NRP2: variants seen among roughly 807,000 people sequenced by gnomAD.
The protein encoded by NRP2 is neuropilin-2.
Under a neutral mutation model 110.4 loss-of-function variants are expected in NRP2, and 52 were observed. That is an observed-to-expected ratio of 0.47 (90% CI 0.38 to 0.59). The LOEUF (loss-of-function observed/expected upper bound fraction) is 0.59, where lower values mean the gene tolerates loss of function less well. Ranked by LOEUF, NRP2 falls within the 20% of genes least tolerant of loss-of-function variation. The probability of loss-of-function intolerance (pLI) is 0.00; values close to 1 mark genes in which losing one functional copy is unlikely to be tolerated. For synonymous variants in NRP2, 508 were observed against 468.9 expected, an observed-to-expected ratio of 1.08 and a Z score of -1.08; for missense variants, 1,049 against 1,203.0, an observed-to-expected ratio of 0.87 and a Z score of 1.89.
At chr2:205,750,454 C>T (rs551866538) in intron 11 of NRP2, among the ~76,000 whole-genome samples, 3 of 152,292 alleles carry the variant, frequency 2.0e-5, no homozygotes, top group South Asian at 2.1e-4. Context: ...CATCTTCAAC[C>T]GTTCCCTCAA....
chr2:205,753,864 A>C (rs902246355), intron 12 of NRP2, among the ~76,000 whole-genome samples: 1 of 152,186 alleles, frequency 6.6e-6, no homozygotes, highest in Non-Finnish European at 1.5e-5. Flanking sequence ...TTTTTTTTCC[A>C]TTGTGCAAAT....
chr2:205,789,233 C>T (rs1016547298), intron 15 of NRP2, among the ~76,000 whole-genome samples: 24 of 152,298 alleles, frequency 1.6e-4, no homozygotes, highest in Non-Finnish European at 2.8e-4. Flanking sequence ...TCCACCCTGG[C>T]CCTAATACAG....
intron 15 of NRP2, among the ~76,000 whole-genome samples, chr2:205,786,179 G>A (rs1298931584): frequency 6.6e-6 from 1 of 152,190 alleles, no homozygotes; most frequent in African/African-American, 2.4e-5. Flanking sequence ...AATTAAGTGT[G>A]GTGGGGAAGG....
At chr2:205,750,047 T>C (rs1166492987) in intron 11 of NRP2, among the ~76,000 whole-genome samples, 2 of 152,176 alleles carry the variant, frequency 1.3e-5, no homozygotes, top group Middle Eastern at 3.2e-3. Context: ...TAACAACCAG[T>C]ACAGCCCTAC....
chr2:205,743,644 A>T (rs1261486358), intron 9 of NRP2, 92 bp downstream of exon 9: 2 of 1,533,122 alleles, frequency 1.3e-6, no homozygotes, highest in Admixed American at 4.0e-5. Context: ...TCCCATCTAA[A>T]CAGTCGTCAT....
chr2:205,731,221 T>C (rs1249598850), intron 7 of NRP2, among the ~76,000 whole-genome samples: 4 of 152,224 alleles, frequency 2.6e-5, no homozygotes, highest in Non-Finnish European at 2.9e-5. Flanking sequence ...CGTGCTCCTT[T>C]AGATTATACA....
At chr2:205,692,064 A>G (rs985444701) in intron 1 of NRP2, among the ~76,000 whole-genome samples, 1 of 152,122 alleles carries the variant, frequency 6.6e-6, no homozygotes, top group Non-Finnish European at 1.5e-5. Flanking sequence ...TTCTTTATTC[A>G]TTTCCAAACT....
intron 5 of NRP2, among the ~76,000 whole-genome samples, chr2:205,724,401 C>G (rs2057084392): frequency 6.6e-6 from 1 of 152,114 alleles, no homozygotes; most frequent in Non-Finnish European, 1.5e-5. Flanking sequence ...TTAACCATCT[C>G]TGGGCCTGGG....
intron 9 of NRP2, among the ~76,000 whole-genome samples, chr2:205,744,693 C>T (rs537592377): frequency 3.4e-4 from 52 of 152,182 alleles, no homozygotes; most frequent in Non-Finnish European, 7.3e-4. Flanking sequence ...TTGCATGTCT[C>T]GGGGCCACCT....
intron 3 of NRP2, among the ~76,000 whole-genome samples, chr2:205,720,684 G>A (rs1381384478): frequency 2.8e-4 from 43 of 152,160 alleles, no homozygotes; most frequent in Middle Eastern, 3.2e-3. Flanking sequence ...AATTCCTCTT[G>A]GCCCCCTGAA....
At chr2:205,776,259 G>C (rs750921394) in intron 15 of NRP2, 1 of 1,612,826 alleles carries the variant, frequency 6.2e-7, no homozygotes, top group South Asian at 1.1e-5. Context: ...GCACCCTCCT[G>C]CCAGGGACCG....
chr2:205,751,283 T>A (rs1195648632), intron 11 of NRP2, among the ~76,000 whole-genome samples: 1 of 152,194 alleles, frequency 6.6e-6, no homozygotes, highest in Non-Finnish European at 1.5e-5. Flanking sequence ...GATTTTCCCG[T>A]TTCTAGTGGT....
chr2:205,697,837 G>A, intron 2 of NRP2, 116 bp downstream of exon 2: 1 of 1,037,246 alleles, frequency 9.6e-7, no homozygotes, highest in Non-Finnish European at 1.5e-6. Context: ...GCTAACCAGT[G>A]GTGGATCCTG....
chr2:205,718,776 T>C (rs1254769535), intron 3 of NRP2, among the ~76,000 whole-genome samples: 3 of 152,046 alleles, frequency 2.0e-5, no homozygotes, highest in Non-Finnish European at 2.9e-5. Context: ...ACCTGGTCTC[T>C]ACTGAAAATA....
chr2:205,752,194 G>A (rs2057658531), intron 11 of NRP2, among the ~76,000 whole-genome samples: 1 of 152,190 alleles, frequency 6.6e-6, no homozygotes, highest in Admixed American at 6.5e-5. Flanking sequence ...GAAGCTGGCT[G>A]GTCTGGTCCC....
rs201603089 is a variant in NRP2, at chr2:205,740,538, A to C, written c.1166A>C (p.Asp389Ala). 6.2e-7 allele frequency: 1 copy of C among 1,614,242 alleles called. No individual in the cohort carries two copies. The highest frequency in any genetic ancestry group is 1.3e-5 in the African/African-American group (1 of 75,056). ...KNHKVFQANN[D>A]ATEVVLNKLH... The stretch of plus-strand genomic sequence containing the variant: ...CTACAGGTATTTCAAGCCAACAACG[A>C]TGCAACTGAGGTGGTTCTGAACAAG... Residue 389 changes from aspartate to alanine, a missense_variant, in exon 8 of 17, where the codon GAT becomes GCT. Asp to Ala is a moderately radical substitution (Grantham distance 126, BLOSUM62 -2). Transcript: ENST00000357785.
In NRP2 at chr2:205,725,804, A is replaced by G. The variant is rs1160672830; in HGVS notation, c.821-109A>G. 3.7e-6 allele frequency: 4 copies of G among 1,094,532 alleles called. No homozygotes were observed. Among genetic ancestry groups the G allele is most frequent in the Non-Finnish European group, 5.6e-6 (4 of 713,410 alleles). The allele number at this position is 1,094,532 out of a possible 1,614,324, so 67.8% of individuals were successfully genotyped here. On this transcript the variant is annotated intron_variant, in intron 5 of 16. Transcript: ENST00000357785. This position sits in a 1 kb window ranked among gnomAD's most constrained non-coding sequence, Gnocchi z 4.1. ...TGAGCATATAATTAGGGTCTTTTAA[A>G]TGAGGAAGTGCCTGCAAGGACTTGT...
intron 7 of NRP2, among the ~76,000 whole-genome samples, chr2:205,738,331 C>CACA (rs1022646639): frequency 3.5e-4 from 54 of 152,300 alleles, no homozygotes; most frequent in African/African-American, 1.3e-3. Flanking sequence ...TGCTGCTGCT[C>CACA]ACAACACCCA....
chr2:205,785,758 C>T (rs906212178), intron 15 of NRP2, among the ~76,000 whole-genome samples: 1 of 152,186 alleles, frequency 6.6e-6, no homozygotes, highest in Non-Finnish European at 1.5e-5. Context: ...GAAAGTATTA[C>T]TAGGTCATTT....
Sources: allele counts gnomAD v4.1 joint callset (sites outside exome capture counted in the v4.1 genomes callset), GRCh38; gene constraint gnomAD v4.1.1; non-coding constraint Gnocchi (gnomAD v3.1); transcripts MANE v1.5; gene names NCBI Gene and HGNC (gene_info 2026-07-23, HGNC 2026-07-21).